GPM6A: variants seen among roughly 807,000 people sequenced by gnomAD.
The protein encoded by GPM6A is neuronal membrane glycoprotein M6-a.
In GPM6A, 7 loss-of-function variants were observed where a neutral mutation model predicts 32.1. The ratio of observed to expected loss-of-function variants is 0.22; its 90% CI spans 0.12 to 0.41. The LOEUF (loss-of-function observed/expected upper bound fraction) is 0.41. GPM6A is among the 10% of genes least tolerant of loss of function. The probability of loss-of-function intolerance (pLI) is 1.00; values close to 1 mark genes in which losing one functional copy is unlikely to be tolerated. For synonymous variants in GPM6A, 130 were observed against 123.4 expected, an observed-to-expected ratio of 1.05 and a Z score of -0.35; for missense variants, 235 against 347.2, an observed-to-expected ratio of 0.68 and a Z score of 2.57.
chr4:175,695,229 C>A (rs1353830725), intron 2 of GPM6A, among the ~76,000 whole-genome samples: 6 of 152,216 alleles, frequency 3.9e-5, no homozygotes, highest in Non-Finnish European at 8.8e-5. Flanking sequence ...GGAGCTCCCA[C>A]ACAGAGTCCC....
intron 1 of GPM6A, among the ~76,000 whole-genome samples, chr4:175,823,056 AT>A (rs1321303100): frequency 6.6e-6 from 1 of 152,178 alleles, no homozygotes; most frequent in Admixed American, 6.5e-5. Flanking sequence ...TTTTTCTAAC[AT>A]TCGTAACACC....
chr4:175,870,743 G>A (rs557354526), intron 1 of GPM6A, among the ~76,000 whole-genome samples: 1 of 152,060 alleles, frequency 6.6e-6, no homozygotes, highest in South Asian at 2.1e-4. Flanking sequence ...TGTTTCCTAG[G>A]GTTCTCCTAT....
At chr4:175,817,964 G>A (rs1735159886) in intron 1 of GPM6A, among the ~76,000 whole-genome samples, 1 of 152,134 alleles carries the variant, frequency 6.6e-6, no homozygotes, top group African/African-American at 2.4e-5. Context: ...TGGCAAACCC[G>A]TTAATATTTA....
At chr4:175,804,087 G>A (rs927721012) in intron 1 of GPM6A, among the ~76,000 whole-genome samples, 2 of 151,958 alleles carry the variant, frequency 1.3e-5, no homozygotes, top group Non-Finnish European at 2.9e-5. Flanking sequence ...CAAAGCCTAT[G>A]GTTGGTTTTA....
At chr4:175,975,028 T>C (rs1418655504) in intron 1 of GPM6A, among the ~76,000 whole-genome samples, 2 of 152,122 alleles carry the variant, frequency 1.3e-5, no homozygotes, top group African/African-American at 4.8e-5. Flanking sequence ...CTCAAGTCCA[T>C]AATCTCCTAC....
At chr4:175,720,659 A>G (rs1454856580) in intron 1 of GPM6A, among the ~76,000 whole-genome samples, 2 of 152,170 alleles carry the variant, frequency 1.3e-5, no homozygotes, top group Non-Finnish European at 2.9e-5. Context: ...CTGATCTTCT[A>G]CTTCTATTTT....
At chr4:175,722,930 T>C (rs1182955667) in intron 1 of GPM6A, among the ~76,000 whole-genome samples, 1 of 151,178 alleles carries the variant, frequency 6.6e-6, no homozygotes, top group Non-Finnish European at 1.5e-5. Context: ...ACACCTGTAA[T>C]CCCAGCAGCT....
intron 1 of GPM6A, among the ~76,000 whole-genome samples, chr4:175,986,284 C>T (rs1740972564): frequency 1.3e-5 from 2 of 152,006 alleles, no homozygotes; most frequent in South Asian, 4.2e-4. Flanking sequence ...CTTGTAATTC[C>T]AGCACTGTGG....
intron 1 of GPM6A, among the ~76,000 whole-genome samples, chr4:175,724,498 C>G (rs940809942): frequency 6.6e-6 from 1 of 152,108 alleles, no homozygotes; most frequent in Non-Finnish European, 1.5e-5. Flanking sequence ...TAAGCCGAGA[C>G]TGTGCCATTG....
At chr4:175,968,852 C>T (rs1243539524) in intron 1 of GPM6A, among the ~76,000 whole-genome samples, 1 of 152,052 alleles carries the variant, frequency 6.6e-6, no homozygotes, top group Non-Finnish European at 1.5e-5. Flanking sequence ...AATGGTACAG[C>T]CATTTTAGAA....
At chr4:175,691,568 AT>A (rs1205545621) in intron 2 of GPM6A, among the ~76,000 whole-genome samples, 1 of 152,220 alleles carries the variant, frequency 6.6e-6, no homozygotes, top group Non-Finnish European at 1.5e-5. Context: ...TATTATGAAT[AT>A]TTTAAACTAT....
intron 1 of GPM6A, among the ~76,000 whole-genome samples, chr4:176,001,643 G>A (rs1741485556): frequency 6.6e-6 from 1 of 152,160 alleles, no homozygotes; most frequent in Non-Finnish European, 1.5e-5. Flanking sequence ...AGTGACCCGA[G>A]CCAGTGTGGA....
intron 1 of GPM6A, among the ~76,000 whole-genome samples, chr4:175,936,459 C>CACT (rs1201817944): frequency 6.8e-6 from 1 of 147,918 alleles, no homozygotes; most frequent in Non-Finnish European, 1.5e-5. Context: ...TCCTTTAGCC[C>CACT]ACTAGAACAT....
At chr4:175,652,048 G>A in intron 3 of GPM6A, 61 bp from the exon 4 acceptor site, 1 of 1,325,070 alleles carries the variant, frequency 7.5e-7, no homozygotes. Flanking sequence ...AGAATTTTGT[G>A]TTTAATCTGC....
intron 1 of GPM6A, among the ~76,000 whole-genome samples, chr4:175,824,827 T>G (rs1450847930): frequency 1.3e-5 from 2 of 152,264 alleles, no homozygotes; most frequent in African/African-American, 4.8e-5. Context: ...AGTCTGAAAT[T>G]TAGACAAGCA....
At chr4:175,727,829 C>A (rs1731244180) in intron 1 of GPM6A, among the ~76,000 whole-genome samples, 1 of 151,866 alleles carries the variant, frequency 6.6e-6, no homozygotes, top group African/African-American at 2.4e-5. Flanking sequence ...CATGGTGAAA[C>A]CCCATCTCTA....
At chr4:175,948,797 G>A (rs1294490390) in intron 1 of GPM6A, among the ~76,000 whole-genome samples, 1 of 137,140 alleles carries the variant, frequency 7.3e-6, no homozygotes, top group Non-Finnish European at 1.5e-5. Flanking sequence ...ATGCCCCTAC[G>A]CAGTAAAATA....
At chr4:175,777,463 A>G (rs1363151352) in intron 1 of GPM6A, among the ~76,000 whole-genome samples, 1 of 152,080 alleles carries the variant, frequency 6.6e-6, no homozygotes, top group Non-Finnish European at 1.5e-5. Context: ...TATACTAAAC[A>G]TGCAGTTATC....
intron 4 of GPM6A, among the ~76,000 whole-genome samples, chr4:175,644,010 T>C (rs1224164758): frequency 6.6e-6 from 1 of 152,038 alleles, no homozygotes; most frequent in African/African-American, 2.4e-5. Flanking sequence ...AAGGCCAATG[T>C]ATAAAACCCC....
Sources: allele counts gnomAD v4.1 joint callset (sites outside exome capture counted in the v4.1 genomes callset), GRCh38; gene constraint gnomAD v4.1.1; transcripts MANE v1.5; gene names NCBI Gene and HGNC (gene_info 2026-07-23, HGNC 2026-07-21).